The following LRRTM3 variants were observed in gnomAD, a reference collection of about 807,000 sequenced individuals.
LRRTM3 encodes leucine rich repeat transmembrane neuronal 3, also known as leucine-rich repeat transmembrane neuronal protein 3.
A neutral mutation model predicts 44.7 loss-of-function variants in LRRTM3; 24 were observed. The observed-to-expected ratio is 0.54, with a 90% CI of 0.39 to 0.76. The LOEUF is 0.76. LRRTM3 is among the 30% of genes least tolerant of loss of function. The pLI, the probability that LRRTM3 is intolerant of heterozygous loss-of-function variation, is 0.00. For synonymous variants in LRRTM3, 277 were observed against 278.7 expected (o/e 0.99, Z 0.06); for missense variants, 587 against 702.2 (o/e 0.84, Z 1.85).
chr10:66,969,884 A>G (rs1849625349), intron 2 of LRRTM3, among the ~76,000 whole-genome samples: 1 of 152,136 alleles, frequency 6.6e-6, no homozygotes, highest in Non-Finnish European at 1.5e-5. Context: ...TGTAACTCCT[A>G]TCAGAAACAT....
chr10:66,988,675 C>T (rs1372232368), intron 2 of LRRTM3, among the ~76,000 whole-genome samples: 1 of 152,124 alleles, frequency 6.6e-6, no homozygotes, highest in Non-Finnish European at 1.5e-5. Flanking sequence ...ATGTTTAAAA[C>T]CTTTCAGAAC....
chr10:66,953,678 T>A (rs1848651868), intron 2 of LRRTM3, among the ~76,000 whole-genome samples: 1 of 152,164 alleles, frequency 6.6e-6, no homozygotes, highest in Non-Finnish European at 1.5e-5. Context: ...ACATAATAAT[T>A]TTATCTTTGA....
At chr10:66,978,019 G>A (rs1340096490) in intron 2 of LRRTM3, among the ~76,000 whole-genome samples, 1 of 150,806 alleles carries the variant, frequency 6.6e-6, no homozygotes, top group Non-Finnish European at 1.5e-5. Context: ...CCATACTTTA[G>A]TATAACATCA....
chr10:66,933,876 C>A (rs1474850110), intron 2 of LRRTM3, among the ~76,000 whole-genome samples: 1 of 152,118 alleles, frequency 6.6e-6, no homozygotes, highest in Non-Finnish European at 1.5e-5. Context: ...AAATGTTTGT[C>A]ATTTAAGAAG....
chr10:66,978,541 A>ATAAAATAAAAATTAAAAAAAT (rs1437563245), intron 2 of LRRTM3, among the ~76,000 whole-genome samples: 1 of 111,194 alleles, frequency 9.0e-6, no homozygotes, highest in Admixed American at 1.0e-4. Context: ...AAAAAAAAAA[A>ATAAAATAAAAATTAAAAAAAT]AAAAAAAAAA....
intron 2 of LRRTM3, among the ~76,000 whole-genome samples, chr10:67,089,717 A>ATGTG (rs71006125): frequency 0.093 from 13,485 of 144,572 alleles, 629 homozygotes; most frequent in South Asian, 0.13. Flanking sequence ...GTATATACAT[A>ATGTG]TGTGTGTGTG....
intron 2 of LRRTM3, among the ~76,000 whole-genome samples, chr10:66,930,884 T>G (rs1356593198): frequency 6.6e-6 from 1 of 152,094 alleles, no homozygotes; most frequent in African/African-American, 2.4e-5. Context: ...GGGAAAAAAG[T>G]TCTTTCTTTC....
intron 2 of LRRTM3, among the ~76,000 whole-genome samples, chr10:66,964,614 G>A (rs1849301071): frequency 1.3e-5 from 2 of 152,118 alleles, no homozygotes; most frequent in Non-Finnish European, 2.9e-5. Context: ...GTATCTGTCA[G>A]GTGATGGTGG....
At chr10:66,932,930 T>G (rs1369875925) in intron 2 of LRRTM3, among the ~76,000 whole-genome samples, 1 of 152,238 alleles carries the variant, frequency 6.6e-6, no homozygotes, top group Non-Finnish European at 1.5e-5. Flanking sequence ...AAATTCAAGT[T>G]CCTTTGACAC....
chr10:66,970,806 C>T (rs1046007107), intron 2 of LRRTM3, among the ~76,000 whole-genome samples: 4 of 152,074 alleles, frequency 2.6e-5, no homozygotes, highest in African/African-American at 9.7e-5. Flanking sequence ...AAAAAAGAGA[C>T]AGTATATACA....
At chr10:67,062,575 A>T (rs1426629630) in intron 2 of LRRTM3, among the ~76,000 whole-genome samples, 1 of 152,118 alleles carries the variant, frequency 6.6e-6, no homozygotes, top group Non-Finnish European at 1.5e-5. Context: ...CAAACTTAGA[A>T]CACAAAATAT....
At chr10:66,943,223 T>C (rs1243202822) in intron 2 of LRRTM3, among the ~76,000 whole-genome samples, 2 of 152,222 alleles carry the variant, frequency 1.3e-5, no homozygotes, top group African/African-American at 4.8e-5. Context: ...AGTTTCTAAA[T>C]GACACAAGAT....
In LRRTM3 at chr10:66,927,622, T is replaced by G. The variant is rs2132624455; in HGVS notation, c.706T>G (p.Leu236Val). Reference protein sequence around the residue: ...PRLVSLQNLYLQWNKISVIGQ... With the variant: ...PRLVSLQNLYVQWNKISVIGQ... ...GTTGGTCAGCCTTCAGAACCTTTAC[T>G]TGCAGTGGAATAAAATCAGTGTCAT... The change falls in exon 2 of 3, where the codon TTG becomes GTG. Residue 236 changes from leucine (L) to valine (V), a missense_variant. Physicochemically the swap from Leu to Val is conservative, Grantham distance 32. Transcript: ENST00000361320. The surrounding 1 kb of genome is among the most constrained non-coding windows in gnomAD (Gnocchi z 4.7). The G allele has an allele frequency of 6.2e-7, 1 of 1,614,210 alleles. No individual in the cohort carries two copies. The highest frequency in any genetic ancestry group is 2.2e-5 in the East Asian group (1 of 44,884).
chr10:67,079,576 G>A (rs946871271), intron 2 of LRRTM3, among the ~76,000 whole-genome samples: 6 of 152,102 alleles, frequency 3.9e-5, no homozygotes, highest in Non-Finnish European at 5.9e-5. Flanking sequence ...ACAGCCCAGC[G>A]CGGTGGCTCA....
At chr10:67,073,551 TG>T (rs1856578796) in intron 2 of LRRTM3, among the ~76,000 whole-genome samples, 1 of 151,662 alleles carries the variant, frequency 6.6e-6, no homozygotes, top group Non-Finnish European at 1.5e-5. Flanking sequence ...CTAGATGCTA[TG>T]ATTAAGCCCA....
intron 2 of LRRTM3, among the ~76,000 whole-genome samples, chr10:67,026,701 G>C (rs1326141006): frequency 6.6e-6 from 1 of 152,108 alleles, no homozygotes; most frequent in Non-Finnish European, 1.5e-5. Context: ...TGAGCAACCA[G>C]TGACGAAAAA....
chr10:66,978,552 A>AAAAAAAAAAATATAT, intron 2 of LRRTM3, among the ~76,000 whole-genome samples: 1 of 37,884 alleles, frequency 2.6e-5, no homozygotes, highest in African/African-American at 8.7e-5. Flanking sequence ...AAAAAAAAAA[A>AAAAAAAAAAATATAT]ATATATATAT....
At chr10:66,970,364 C>T (rs977106955) in intron 2 of LRRTM3, among the ~76,000 whole-genome samples, 19 of 152,084 alleles carry the variant, frequency 1.2e-4, no homozygotes, top group African/African-American at 4.1e-4. Flanking sequence ...CCTGCATACA[C>T]AGTCAGCTTC....
chr10:66,948,608 C>T (rs1848389379), intron 2 of LRRTM3, among the ~76,000 whole-genome samples: 2 of 152,138 alleles, frequency 1.3e-5, no homozygotes, highest in Non-Finnish European at 1.5e-5. Context: ...TATAGCATGG[C>T]TCATTTTCAT....
Sources: allele counts gnomAD v4.1 joint callset (sites outside exome capture counted in the v4.1 genomes callset), GRCh38; gene constraint gnomAD v4.1.1; non-coding constraint Gnocchi (gnomAD v3.1); transcripts MANE v1.5; gene names NCBI Gene and HGNC (gene_info 2026-07-23, HGNC 2026-07-21).